Variants in FBXL17 observed in about 807,000 individuals in gnomAD.
The protein encoded by FBXL17 is F-box and leucine rich repeat protein 17.
Under a neutral mutation model 66.2 loss-of-function variants are expected in FBXL17, and 22 were observed. The ratio of observed to expected loss-of-function variants is 0.33; its 90% confidence interval spans 0.24 to 0.47. FBXL17 has a LOEUF of 0.47. Among genes scored for constraint, FBXL17 ranks in the 20% least tolerant of loss-of-function variants. The probability of loss-of-function intolerance (pLI) is 1.00; values close to 1 mark genes in which losing one functional copy is unlikely to be tolerated. For synonymous variants in FBXL17, 474 were observed against 400.5 expected (o/e 1.18, Z -2.19); for missense variants, 878 against 948.2 (o/e 0.93, Z 0.97).
At chr5:108,030,312 C>T (rs1289077644) in intron 6 of FBXL17, among the ~76,000 whole-genome samples, 2 of 152,088 alleles carry the variant, frequency 1.3e-5, no homozygotes, top group Non-Finnish European at 2.9e-5. Flanking sequence ...GTGTGGAAGA[C>T]TGATAGAGAC....
chr5:108,126,631 GTCTCTC>G (rs140769664), intron 6 of FBXL17, among the ~76,000 whole-genome samples: 7 of 112,580 alleles, frequency 6.2e-5, no homozygotes, highest in African/African-American at 1.2e-4. Flanking sequence ...CTGTCTCTCT[GTCTCTC>G]TCTCTCTCTC....
chr5:107,990,239 T>A (rs72798117), intron 7 of FBXL17, among the ~76,000 whole-genome samples: 3 of 152,138 alleles, frequency 2.0e-5, no homozygotes, highest in Non-Finnish European at 2.9e-5. Context: ...AGACAAGGTC[T>A]GGGATAGTAG....
chr5:108,177,933 A>G (rs1230846983), intron 6 of FBXL17, among the ~76,000 whole-genome samples: 1 of 119,380 alleles, frequency 8.4e-6, no homozygotes, highest in Non-Finnish European at 1.9e-5. Context: ...ATATATATAT[A>G]CACACACACA....
chr5:108,099,769 C>A (rs961703349), intron 6 of FBXL17, among the ~76,000 whole-genome samples: 12 of 152,180 alleles, frequency 7.9e-5, no homozygotes, highest in African/African-American at 2.7e-4. Context: ...GTGCCTTTAC[C>A]TCAAAATAGT....
chr5:107,863,215 C>T (rs1204627129), intron 8 of FBXL17, among the ~76,000 whole-genome samples: 1 of 151,330 alleles, frequency 6.6e-6, no homozygotes, highest in South Asian at 2.1e-4. Context: ...AATTTAAATG[C>T]GTGCTCTAAG....
At chr5:108,342,419 G>A (rs1183490064) in intron 4 of FBXL17, among the ~76,000 whole-genome samples, 1 of 152,064 alleles carries the variant, frequency 6.6e-6, no homozygotes, top group East Asian at 1.9e-4. Context: ...GCTGGTACTT[G>A]CAGCTTCTCC....
intron 6 of FBXL17, among the ~76,000 whole-genome samples, chr5:108,185,114 C>G (rs1459612443): frequency 4.6e-5 from 7 of 152,042 alleles, no homozygotes; most frequent in Non-Finnish European, 1.0e-4. Flanking sequence ...TAAGAAAAAA[C>G]TTCTGATTCT....
chr5:108,157,295 C>T (rs929100075), intron 6 of FBXL17, among the ~76,000 whole-genome samples: 70 of 151,726 alleles, frequency 4.6e-4, no homozygotes, highest in African/African-American at 1.6e-3. Context: ...TTTTCCATTG[C>T]AAATAATTCA....
At chr5:107,881,292 T>C (rs1748782745) in intron 7 of FBXL17, 113 bp from the exon 8 acceptor site, 1 of 631,506 alleles carries the variant, frequency 1.6e-6, no homozygotes, top group African/African-American at 1.8e-5. Context: ...ATTTTGTGTG[T>C]AAATGAACGT....
rs3984948 is a variant in FBXL17 at position 108,158,509 on chromosome 5, C to CTGTGTG, written c.1745+27602_1745+27607dup. 6.8e-3 allele frequency among the ~76,000 whole-genome samples: 1,017 copies of CTGTGTG among 149,294 alleles called. 12 individuals are homozygous for CTGTGTG. The highest frequency in any genetic ancestry group is 0.023 in the South Asian group (109 of 4,724). On this transcript the variant is annotated intron_variant, in intron 6 of 8. Coordinates refer to ENST00000542267, the MANE Select transcript of FBXL17 (RefSeq NM_001163315.3). Reference sequence around the variant, plus strand: ...GACAGTGGGGCGTGTGTGTGTGTGTCTGTGTGTGTGTGTGTGTGTGTGTGC... The same window carrying CTGTGTG: ...GACAGTGGGGCGTGTGTGTGTGTGTCTGTGTGTGTGTGTGTGTGTGTGTGTGTGTGC...
intron 7 of FBXL17, among the ~76,000 whole-genome samples, chr5:107,968,166 C>T (rs1422963879): frequency 6.6e-6 from 1 of 152,092 alleles, no homozygotes; most frequent in Non-Finnish European, 1.5e-5. Flanking sequence ...AAACAATGCT[C>T]TCAGGTGGGT....
intron 4 of FBXL17, among the ~76,000 whole-genome samples, chr5:108,240,152 A>G (rs1391073093): frequency 6.6e-6 from 1 of 152,036 alleles, no homozygotes; most frequent in Non-Finnish European, 1.5e-5. Context: ...GGCTATAGGG[A>G]AAAAAACTCC....
chr5:107,954,538 AG>A (rs1206725237), intron 7 of FBXL17, among the ~76,000 whole-genome samples: 8 of 152,358 alleles, frequency 5.3e-5, no homozygotes, highest in Middle Eastern at 3.4e-3. Flanking sequence ...TAGTAGGCAA[AG>A]ACAGCTGATT....
intron 6 of FBXL17, among the ~76,000 whole-genome samples, chr5:108,039,812 T>A (rs1746979712): frequency 6.6e-6 from 1 of 152,088 alleles, no homozygotes; most frequent in African/African-American, 2.4e-5. Context: ...TAATTTAATA[T>A]AGTCCCCATC....
chr5:108,382,093 G>A lies in FBXL17; in HGVS notation c.-402C>T. ...ATCCGCCGCCGGCGCGCGCACCCGC[G>A]ACTCTGCTCGGAGCCGCAGGAGCGC... On this transcript the variant is annotated 5_prime_UTR_variant, in exon 1 of 9. Coordinates refer to ENST00000542267, the MANE Select transcript of FBXL17 (RefSeq NM_001163315.3). 2 of 443,964 alleles carry A rather than the reference G, an allele frequency of 4.5e-6. No homozygotes were observed. The highest frequency in any genetic ancestry group is 6.0e-6 in the Non-Finnish European group (2 of 331,384). The allele number at this position is 443,964 out of a possible 1,614,324, so 27.5% of individuals were successfully genotyped here.
intron 6 of FBXL17, among the ~76,000 whole-genome samples, chr5:108,154,705 A>G (rs1471929097): frequency 6.9e-6 from 1 of 145,690 alleles, no homozygotes; most frequent in East Asian, 2.0e-4. Flanking sequence ...GTATATACAT[A>G]TATATGTGTA....
chr5:107,904,688 T>C (rs780826361), intron 7 of FBXL17, among the ~76,000 whole-genome samples: 1 of 152,148 alleles, frequency 6.6e-6, no homozygotes, highest in Non-Finnish European at 1.5e-5. Flanking sequence ...CTTAATGGAA[T>C]ATTTATTCAT....
intron 7 of FBXL17, among the ~76,000 whole-genome samples, chr5:108,019,707 G>T (rs868117116): frequency 2.6e-5 from 4 of 151,972 alleles, no homozygotes; most frequent in South Asian, 2.1e-4. Flanking sequence ...TGGTCAGGGA[G>T]AACTCTTTAG....
chr5:107,985,866 G>C (rs1473418040), intron 7 of FBXL17, among the ~76,000 whole-genome samples: 1 of 152,148 alleles, frequency 6.6e-6, no homozygotes, highest in African/African-American at 2.4e-5. Flanking sequence ...GTAGAAAGTA[G>C]GGAAGGTGAG....
Sources: allele counts gnomAD v4.1 joint callset (sites outside exome capture counted in the v4.1 genomes callset), GRCh38; gene constraint gnomAD v4.1.1; transcripts MANE v1.5; gene names NCBI Gene and HGNC (gene_info 2026-07-23, HGNC 2026-07-21).